The following RBFOX1 variants were observed in gnomAD, a reference collection of about 807,000 sequenced individuals.
The protein encoded by RBFOX1 is RNA binding fox-1 homolog 1.
RBFOX1 carries 8 observed loss-of-function variants against 57.7 expected under a neutral mutation model. The ratio of observed to expected loss-of-function variants is 0.14; its 90% CI spans 0.08 to 0.25. The LOEUF (loss-of-function observed/expected upper bound fraction) is 0.25. RBFOX1 is among the 10% of genes least tolerant of loss of function. RBFOX1 has a pLI of 1.00. For missense variants in RBFOX1, 611 were observed against 548.5 expected (o/e 1.11, Z -1.14); for synonymous variants, 326 against 222.4 (o/e 1.47, Z -4.15).
At chr16:6,835,487 C>T (rs1350717142) in intron 3 of RBFOX1, among the ~76,000 whole-genome samples, 1 of 151,976 alleles carries the variant, frequency 6.6e-6, no homozygotes, top group African/African-American at 2.4e-5. Context: ...GTGTGGTGGT[C>T]ACGCCTGCAA....
At chr16:6,845,590 G>C (rs1285043822) in intron 3 of RBFOX1, among the ~76,000 whole-genome samples, 1 of 152,082 alleles carries the variant, frequency 6.6e-6, no homozygotes, top group African/African-American at 2.4e-5. Flanking sequence ...TAGCCTTGTA[G>C]GTAATCTTCT....
intron 3 of RBFOX1, among the ~76,000 whole-genome samples, chr16:5,668,482 C>T (rs544346902): frequency 6.6e-6 from 1 of 152,240 alleles, no homozygotes; most frequent in East Asian, 1.9e-4. Flanking sequence ...GTTCTGATAA[C>T]CACTGGCACT....
chr16:5,928,243 G>C (rs2058975816), intron 4 of RBFOX1, among the ~76,000 whole-genome samples: 1 of 151,932 alleles, frequency 6.6e-6, no homozygotes, highest in South Asian at 2.1e-4. Context: ...ACCACACCTT[G>C]CTAGTGTTTT....
At chr16:7,276,669 C>G (rs999196981) in intron 4 of RBFOX1, among the ~76,000 whole-genome samples, 2 of 152,174 alleles carry the variant, frequency 1.3e-5, no homozygotes, top group Non-Finnish European at 2.9e-5. Flanking sequence ...CTCTCCCAAC[C>G]TCAGTTCATC....
chr16:7,525,918 C>A (rs1457134223), intron 5 of RBFOX1, among the ~76,000 whole-genome samples: 1 of 152,238 alleles, frequency 6.6e-6, no homozygotes, highest in East Asian at 1.9e-4. Flanking sequence ...AGGCTGTTTC[C>A]CCAGTCTCCA....
At chr16:5,866,398 A>G (rs1319606532) in intron 3 of RBFOX1, among the ~76,000 whole-genome samples, 1 of 152,196 alleles carries the variant, frequency 6.6e-6, no homozygotes, top group Non-Finnish European at 1.5e-5. Context: ...GGTTCATTAT[A>G]TGAATTTTGG....
At chr16:5,366,998 T>G (rs1329682011) in intron 1 of RBFOX1, among the ~76,000 whole-genome samples, 2 of 152,206 alleles carry the variant, frequency 1.3e-5, no homozygotes, top group African/African-American at 4.8e-5. Context: ...ACTCAGTATT[T>G]TAATAAAGTA....
intron 3 of RBFOX1, among the ~76,000 whole-genome samples, chr16:7,035,786 G>C (rs886710825): frequency 6.6e-6 from 1 of 152,012 alleles, no homozygotes; most frequent in Non-Finnish European, 1.5e-5. Flanking sequence ...TTCCAGTTAG[G>C]ATTCCTTAAG....
At chr16:6,009,313 C>G (rs1009243398) in intron 4 of RBFOX1, among the ~76,000 whole-genome samples, 2 of 152,196 alleles carry the variant, frequency 1.3e-5, no homozygotes, top group African/African-American at 2.4e-5. Flanking sequence ...GCACTTTGCT[C>G]TCACACCTGT....
intron 1 of RBFOX1, among the ~76,000 whole-genome samples, chr16:5,420,484 T>C (rs1423261741): frequency 6.6e-6 from 1 of 152,130 alleles, no homozygotes; most frequent in South Asian, 2.1e-4. Context: ...ACACACAGAC[T>C]GCATCCACTT....
chr16:7,058,535 G>A (rs2053206039), intron 4 of RBFOX1, among the ~76,000 whole-genome samples: 2 of 152,056 alleles, frequency 1.3e-5, no homozygotes, highest in Admixed American at 6.6e-5. Flanking sequence ...TTCCTCACCT[G>A]TATAGTGGAG....
intron 2 of RBFOX1, among the ~76,000 whole-genome samples, chr16:6,410,730 A>G (rs1596792621): frequency 6.6e-6 from 1 of 152,146 alleles, no homozygotes; most frequent in African/African-American, 2.4e-5. Context: ...AGGAATTTGT[A>G]TTAACTTCTA....
intron 4 of RBFOX1, among the ~76,000 whole-genome samples, chr16:7,090,086 A>G (rs546819897): frequency 6.6e-6 from 1 of 152,258 alleles, no homozygotes; most frequent in Non-Finnish European, 1.5e-5. Context: ...CTGTAAATAA[A>G]GATAGTCTAA....
intron 5 of RBFOX1, among the ~76,000 whole-genome samples, chr16:7,557,624 AAAAAAAAAAAAAAAAAAAGAAAAAG>A (rs1229336521): frequency 4.3e-5 from 5 of 117,624 alleles, no homozygotes. Flanking sequence ...TGTCTCAAAA[AAAAAAAAAAAAAAAAAAAGAAAAAG>A]AAAAAAAAAA....
At chr16:6,517,900 T>C (rs1416475192) in intron 2 of RBFOX1, among the ~76,000 whole-genome samples, 2 of 152,172 alleles carry the variant, frequency 1.3e-5, no homozygotes, top group Non-Finnish European at 2.9e-5. Context: ...TTAATACTTG[T>C]GGTGATGATA....
At chr16:6,228,415 T>G (rs2097433125) in intron 1 of RBFOX1, among the ~76,000 whole-genome samples, 1 of 59,528 alleles carries the variant, frequency 1.7e-5, no homozygotes, top group Non-Finnish European at 3.3e-5. Flanking sequence ...AGAAAATTTT[T>G]AACACACACA....
At chr16:6,272,911 G>C (rs79486643) in intron 1 of RBFOX1, among the ~76,000 whole-genome samples, 1 of 152,062 alleles carries the variant, frequency 6.6e-6, no homozygotes, top group African/African-American at 2.4e-5. Context: ...TACAAAAAAG[G>C]CTCAAAATGG....
chr16:7,650,526 A>G (rs2064815412), intron 11 of RBFOX1, among the ~76,000 whole-genome samples: 1 of 152,078 alleles, frequency 6.6e-6, no homozygotes, highest in African/African-American at 2.4e-5. Context: ...GAGGGTACAA[A>G]ATGGAATCCT....
intron 12 of RBFOX1, among the ~76,000 whole-genome samples, chr16:7,659,635 A>C (rs186195347): frequency 6.6e-6 from 1 of 152,344 alleles, no homozygotes; most frequent in Non-Finnish European, 1.5e-5. Context: ...AAGAAAGTTA[A>C]TGGATTTGTG....
Sources: gnomAD v4.1 joint callset for allele counts (sites outside exome capture counted in the v4.1 genomes callset) on GRCh38, gnomAD v4.1.1 for gene constraint, MANE v1.5 for transcripts, NCBI Gene and HGNC (gene_info 2026-07-23, HGNC 2026-07-21) for gene names.